Variants in DPY19L3 observed in about 807,000 individuals in gnomAD.
DPY19L3 encodes protein C-mannosyl-transferase DPY19L3.
DPY19L3 carries 51 observed loss-of-function variants against 92.3 expected under a neutral mutation model. That is an observed-to-expected ratio of 0.55 (90% CI 0.44 to 0.70). DPY19L3 has a LOEUF of 0.70. Ranked by LOEUF, DPY19L3 falls within the 30% of genes least tolerant of loss-of-function variation. The pLI, the probability that DPY19L3 is intolerant of heterozygous loss-of-function variation, is 0.00. For missense variants in DPY19L3, 706 were observed against 855.9 expected, an observed-to-expected ratio of 0.82 and a Z score of 2.18; for synonymous variants, 309 against 315.2, an observed-to-expected ratio of 0.98 and a Z score of 0.21.
intron 17 of DPY19L3, 81 bp from the exon 18 acceptor site, chr19:32,480,318 C>G: frequency 6.7e-7 from 1 of 1,484,916 alleles, no homozygotes. Context: ...AGACTCAGCC[C>G]TGTGGAAGGT....
intron 6 of DPY19L3, 127 bp downstream of exon 6, chr19:32,437,466 G>C: frequency 9.0e-7 from 1 of 1,115,588 alleles, no homozygotes; most frequent in Non-Finnish European, 1.2e-6. Flanking sequence ...TCTTTGGTTT[G>C]CCTGGTGGTT....
chr19:32,467,959 A>G (rs1335411241), intron 15 of DPY19L3: 3 of 985,298 alleles, frequency 3.0e-6, no homozygotes, highest in Non-Finnish European at 2.4e-6. Context: ...CAGATGTACC[A>G]GATATTCCTG....
At chr19:32,410,937 G>A (rs1394045645) in intron 2 of DPY19L3, among the ~76,000 whole-genome samples, 2 of 152,150 alleles carry the variant, frequency 1.3e-5, no homozygotes, top group Admixed American at 6.5e-5. Context: ...GTTAAATTAC[G>A]GTTGTTAAAC....
chr19:32,468,362 A>G, intron 15 of DPY19L3: 2 of 1,007,508 alleles, frequency 2.0e-6, no homozygotes, highest in South Asian at 8.3e-5. Context: ...AGTTAATTAC[A>G]TATTCCTAAC....
intron 3 of DPY19L3, among the ~76,000 whole-genome samples, chr19:32,426,420 C>G (rs1473912713): frequency 6.6e-6 from 1 of 152,200 alleles, no homozygotes; most frequent in Non-Finnish European, 1.5e-5. Flanking sequence ...CAACTTGGCT[C>G]TTTGGCACAG....
intron 3 of DPY19L3, among the ~76,000 whole-genome samples, chr19:32,419,527 C>G (rs1599594776): frequency 6.6e-6 from 1 of 151,914 alleles, no homozygotes; most frequent in East Asian, 2.0e-4. Flanking sequence ...GTGGTGCAAT[C>G]AAGGTCACTG....
intron 1 of DPY19L3, 33 bp from the exon 2 acceptor site, chr19:32,408,183 CA>C: frequency 9.4e-7 from 1 of 1,063,312 alleles, no homozygotes; most frequent in South Asian, 1.3e-5. Context: ...GGGGAGAAGG[CA>C]CTGACGTTGA....
At chr19:32,425,483 A>T (rs1476201953) in intron 3 of DPY19L3, among the ~76,000 whole-genome samples, 1 of 152,044 alleles carries the variant, frequency 6.6e-6, no homozygotes, top group African/African-American at 2.4e-5. Context: ...CCCGGGAGGC[A>T]GAGGTTGCAG....
intron 1 of DPY19L3, among the ~76,000 whole-genome samples, chr19:32,407,558 C>T (rs550941305): frequency 3.9e-5 from 6 of 152,214 alleles, no homozygotes; most frequent in South Asian, 4.1e-4. Context: ...TGTGTAGTTA[C>T]GTGACGCATT....
At chr19:32,420,007 G>A (rs905430336) in intron 3 of DPY19L3, among the ~76,000 whole-genome samples, 3 of 151,672 alleles carry the variant, frequency 2.0e-5, no homozygotes, top group African/African-American at 7.3e-5. Flanking sequence ...TTACAGGCAG[G>A]CACCACCACG....
At chr19:32,409,979 G>A (rs150396042) in intron 2 of DPY19L3, among the ~76,000 whole-genome samples, 1 of 152,300 alleles carries the variant, frequency 6.6e-6, no homozygotes, top group Non-Finnish European at 1.5e-5. Context: ...GGCCAAATGG[G>A]ATGCTCATTT....
chr19:32,467,895 GA>G (rs1970244993), intron 15 of DPY19L3: 2 of 985,136 alleles, frequency 2.0e-6, no homozygotes, highest in African/African-American at 3.5e-5. Context: ...ATTTTATTTA[GA>G]AAACCTTAAG....
chr19:32,436,277 A>G (rs561185325), intron 4 of DPY19L3, among the ~76,000 whole-genome samples, 169 bp from the exon 5 acceptor site: 6 of 152,342 alleles, frequency 3.9e-5, no homozygotes, highest in African/African-American at 1.4e-4. Context: ...ATGTCCATCG[A>G]ATATGTGGTA....
intron 3 of DPY19L3, among the ~76,000 whole-genome samples, chr19:32,416,699 C>G (rs541996112): frequency 1.3e-5 from 2 of 152,334 alleles, no homozygotes; most frequent in African/African-American, 4.8e-5. Flanking sequence ...TATCTTTTCC[C>G]CATGGAGTCA....
chr19:32,426,617 A>C (rs921755739), intron 3 of DPY19L3, among the ~76,000 whole-genome samples: 1 of 152,172 alleles, frequency 6.6e-6, no homozygotes, highest in African/African-American at 2.4e-5. Flanking sequence ...AGGAAATGAG[A>C]CAGAAGAATG....
At chr19:32,436,717 C>G in intron 5 of DPY19L3, 150 bp downstream of exon 5, 1 of 708,452 alleles carries the variant, frequency 1.4e-6, no homozygotes, top group Non-Finnish European at 2.2e-6. Context: ...ATATTATGAA[C>G]TTTATAAGAT....
chr19:32,466,744 G>A (rs1970214836), intron 15 of DPY19L3, among the ~76,000 whole-genome samples: 1 of 152,220 alleles, frequency 6.6e-6, no homozygotes, highest in South Asian at 2.1e-4. Context: ...AAGACTGTTG[G>A]CCTAGTCTCT....
At chr19:32,428,337 T>A (rs149563964) in intron 3 of DPY19L3, among the ~76,000 whole-genome samples, 151 of 151,842 alleles carry the variant, frequency 9.9e-4, no homozygotes, top group African/African-American at 3.0e-3. Flanking sequence ...TTGTTTTTTT[T>A]AAAAAAAAGC....
At chr19:32,453,326 G>A (rs368428740) in intron 9 of DPY19L3, 50 bp downstream of exon 9, 169 of 1,537,378 alleles carry the variant, frequency 1.1e-4, no homozygotes, top group African/African-American at 8.6e-4. Flanking sequence ...TTTTAATTGC[G>A]TGGTTTATTG....
Sources: allele counts gnomAD v4.1 joint callset (sites outside exome capture counted in the v4.1 genomes callset), GRCh38; gene constraint gnomAD v4.1.1; transcripts MANE v1.5; gene names NCBI Gene and HGNC (gene_info 2026-07-23, HGNC 2026-07-21).